The following RASGRP2 variants were observed in gnomAD, a reference collection of about 807,000 sequenced individuals.
RASGRP2 encodes RAS guanyl releasing protein 2.
Under a neutral mutation model 71.0 loss-of-function variants are expected in RASGRP2, and 44 were observed. The observed-to-expected ratio is 0.62, with a 90% CI of 0.49 to 0.80. The LOEUF (loss-of-function observed/expected upper bound fraction) is 0.80. Ranked by LOEUF, RASGRP2 falls within the 30% of genes least tolerant of loss-of-function variation. The probability of loss-of-function intolerance (pLI) is 0.00; values close to 1 mark genes in which losing one functional copy is unlikely to be tolerated. For missense variants in RASGRP2, 663 were observed against 813.4 expected (o/e 0.82, Z 2.25); for synonymous variants, 350 against 330.7 (o/e 1.06, Z -0.63).
rs910045635 is a variant in RASGRP2, at chr11:64,735,375, C to G, written c.1297-148G>C. On this transcript the variant is annotated intron_variant, in intron 11 of 16. Transcript: ENST00000394432. The surrounding 1 kb of genome is among the most constrained non-coding windows in gnomAD (Gnocchi z 4.2). ...CACCCCCGTTCCATACCTCCACCCCCACCCTACCCAGGGGCACTTCAGCCC... is the reference window on the plus strand; with the variant it reads ...CACCCCCGTTCCATACCTCCACCCCGACCCTACCCAGGGGCACTTCAGCCC... The G allele has an allele frequency of 7.3e-7, 1 of 1,363,554 alleles. No individual in the cohort carries two copies. Among genetic ancestry groups the G allele is most frequent in the Admixed American group, 1.7e-5 (1 of 58,694 alleles). 84.5% of individuals were successfully genotyped at this position (1,363,554 alleles called of 1,614,324 possible).
chr11:64,739,923 G>A lies in RASGRP2; in HGVS notation c.522+90C>T. 6.2e-7 allele frequency: 1 copy of A among 1,609,216 alleles called. No individual in the cohort carries two copies. On this transcript the variant is annotated intron_variant, in intron 6 of 16. Transcript: ENST00000394432. The surrounding 1 kb of genome is among the most constrained non-coding windows in gnomAD (Gnocchi z 4.2). ...TACACTGAAACCCCTGATGCACCCT[G>A]TGACCCAGCCTACGCCAGGGACCCT...
chr11:64,735,724 G>C lies in RASGRP2; in HGVS notation c.1174-60C>G, dbSNP rs755677802. 7.0e-6 allele frequency: 11 copies of C among 1,566,624 alleles called. No individual in the cohort carries two copies. The highest frequency in any genetic ancestry group is 9.5e-6 in the Non-Finnish European group (11 of 1,155,356). On this transcript the variant is annotated intron_variant, in intron 10 of 16. Coordinates refer to ENST00000394432, the MANE Select transcript of RASGRP2 (RefSeq NM_001098671.2). The surrounding 1 kb of genome is among the most constrained non-coding windows in gnomAD (Gnocchi z 4.2). ...GGCAGGGGAAGCCCAGAGCCCCGGG[G>C]AACAGAGAGGGGAATCCCTGGGAGA... is the stretch of plus-strand genomic sequence containing the variant.
rs2058171560 is a variant in RASGRP2, at chr11:64,742,716, A to C, written c.73+78T>G. 6 of 1,540,892 alleles carry C rather than the reference A, an allele frequency of 3.9e-6. No individual in the cohort carries two copies. The highest frequency in any genetic ancestry group is 5.3e-6 in the Non-Finnish European group (6 of 1,138,304). On this transcript the variant is annotated intron_variant, in intron 2 of 16. Transcript: ENST00000394432. The surrounding 1 kb of genome is among the most constrained non-coding windows in gnomAD (Gnocchi z 4.7). ...GGTCCGGGTCAGGGCTGTGCCCTGG[A>C]CTGTGCCTGGGAGGCAGGGACCCGG...
intron 3 of RASGRP2, among the ~76,000 whole-genome samples, chr11:64,741,778 GAGA>G (rs1319710155): frequency 1.3e-5 from 2 of 152,196 alleles, no homozygotes; most frequent in African/African-American, 2.4e-5. Context: ...AGACTCTAGG[GAGA>G]AGGAGGGCAA....
In RASGRP2 at chr11:64,744,090, C is replaced by T. The variant is rs2058231697; in HGVS notation, c.-159G>A. 7 of 988,244 alleles carry T rather than the reference C, an allele frequency of 7.1e-6. No homozygotes were observed. Among genetic ancestry groups the T allele is most frequent in the Non-Finnish European group, 8.4e-6 (7 of 830,988 alleles). 61.2% of individuals were successfully genotyped at this position (988,244 alleles called of 1,614,324 possible). On this transcript the variant is annotated 5_prime_UTR_variant, in exon 1 of 17. Transcript: ENST00000394432. ...CTTGAGCCAGGCCAGCCTTGAGTCC[C>T]GCGGCCACACAGGCGCTGACATCCT...
chr11:64,742,972 G>A lies in RASGRP2; in HGVS notation c.-71-35C>T, dbSNP rs1002642103. ...GAGAGGCAGAGCGGGAGTCTGCGGA[G>A]TCGCGGGCGGGGGAGCGGCCCCGCG... On this transcript the variant is annotated intron_variant, in intron 1 of 16. Transcript: ENST00000394432. This position sits in a 1 kb window ranked among gnomAD's most constrained non-coding sequence, Gnocchi z 4.7. 10 of 1,512,278 alleles carry A rather than the reference G, an allele frequency of 6.6e-6. No homozygotes were observed. In the Admixed American group the frequency reaches 2.1e-4, roughly 31 times the overall value. 93.7% of individuals were successfully genotyped at this position (1,512,278 alleles called of 1,614,324 possible).
In RASGRP2 at chr11:64,739,895, G is replaced by C; in HGVS notation, c.523-86C>G. On this transcript the variant is annotated intron_variant, in intron 6 of 16. Coordinates refer to ENST00000394432, the MANE Select transcript of RASGRP2 (RefSeq NM_001098671.2). This position sits in a 1 kb window ranked among gnomAD's most constrained non-coding sequence, Gnocchi z 4.2. ...CCTCACCCTCCAGCTGACCTTCAGT[G>C]GTTACACTGAAACCCCTGATGCACC... The C allele has an allele frequency of 6.2e-7, 1 of 1,607,764 alleles. No individual in the cohort carries two copies. Among genetic ancestry groups the C allele is most frequent in the Admixed American group, 1.7e-5 (1 of 59,760 alleles).
Position 64,742,562 on chromosome 11 carries a change from C to T in RASGRP2, c.73+232G>A. On this transcript the variant is annotated intron_variant, in intron 2 of 16. Transcript: ENST00000394432. This position sits in a 1 kb window ranked among gnomAD's most constrained non-coding sequence, Gnocchi z 4.7. ...TCAAGTGTCAGAGTCCGGGACCCGG[C>T]CCTCCCTTCGCCGCCGCTGGGGAAG... 3.2e-6 allele frequency: 2 copies of T among 620,276 alleles called. No individual in the cohort carries two copies. Among genetic ancestry groups the T allele is most frequent in the Non-Finnish European group, 5.7e-6 (2 of 353,344 alleles). 38.4% of individuals were successfully genotyped at this position (620,276 alleles called of 1,614,324 possible). A position where few individuals can be genotyped will look rare whatever the true frequency, so the allele number is the denominator to read the frequency against.
At chr11:64,737,343 G>A in intron 8 of RASGRP2, 1 of 423,658 alleles carries the variant, frequency 2.4e-6, no homozygotes, top group South Asian at 2.3e-5. Context: ...TGACCTGGAA[G>A]AACATACTCA....
rs765897708 is a variant in RASGRP2 at position 64,742,140 on chromosome 11, G to A, written c.74-28C>T. The A allele has an allele frequency of 5.2e-6, 8 of 1,535,474 alleles. No individual in the cohort carries two copies. Among genetic ancestry groups the A allele is most frequent in the Middle Eastern group, 1.7e-4 (1 of 5,728 alleles). Reference sequence around the variant, plus strand: ...GACTCCGAAGGGTCAAAGACAGGTGGCTGAGCTGGGTCCGCAGCTACCATG... The same window carrying A: ...GACTCCGAAGGGTCAAAGACAGGTGACTGAGCTGGGTCCGCAGCTACCATG... On this transcript the variant is annotated intron_variant, in intron 2 of 16. Coordinates refer to ENST00000394432, the MANE Select transcript of RASGRP2 (RefSeq NM_001098671.2). The surrounding 1 kb of genome is among the most constrained non-coding windows in gnomAD (Gnocchi z 4.7).
chr11:64,743,262 G>T lies in RASGRP2; in HGVS notation c.-71-325C>A, dbSNP rs1183607912. Reference sequence around the variant, plus strand: ...TTCTCCTCGCGCCCTCTCCCCAGAGGCACCTGCAGCACCCCGCAGCTCGGC... The same window carrying T: ...TTCTCCTCGCGCCCTCTCCCCAGAGTCACCTGCAGCACCCCGCAGCTCGGC... On this transcript the variant is annotated intron_variant, in intron 1 of 16. Transcript: ENST00000394432. This position sits in a 1 kb window ranked among gnomAD's most constrained non-coding sequence, Gnocchi z 4.9. 1 of 481,132 alleles carries T rather than the reference G, an allele frequency of 2.1e-6. No individual in the cohort carries two copies. Among genetic ancestry groups the T allele is most frequent in the Non-Finnish European group, 4.1e-6 (1 of 243,606 alleles). The allele number at this position is 481,132 out of a possible 1,614,324, so 29.8% of individuals were successfully genotyped here.
chr11:64,727,479 C>A, intron 15 of RASGRP2, 119 bp from the exon 16 acceptor site: 10 of 762,714 alleles, frequency 1.3e-5, no homozygotes, highest in Non-Finnish European at 2.0e-5. Context: ...CACCAAAAAT[C>A]AATTCCCTGC....
chr11:64,729,492 A>ACGCC (rs2057689020), intron 14 of RASGRP2, among the ~76,000 whole-genome samples: 1 of 151,702 alleles, frequency 6.6e-6, no homozygotes, highest in Non-Finnish European at 1.5e-5. Context: ...GGGTGCCACC[A>ACGCC]CGCCCAGCTA....
rs681791 is a variant in RASGRP2 at position 64,740,005 on chromosome 11, G to A, written c.522+8C>T. 58,295 of 1,613,906 alleles carry A rather than the reference G, an allele frequency of 0.036. 1,269 individuals carry two copies. Among genetic ancestry groups the A allele is most frequent in the Non-Finnish European group, 0.042 (49,979 of 1,179,958 alleles). On this transcript the variant is annotated splice_region_variant and intron_variant, in intron 6 of 16. Coordinates refer to ENST00000394432, the MANE Select transcript of RASGRP2 (RefSeq NM_001098671.2). ...TGGACCCCTGACCCCCCAGCCCTCG[G>A]GCCGCACCAGGATCTTGCAGAAGGA... is the stretch of plus-strand genomic sequence containing the variant.
chr11:64,727,670 G>A (rs934746181), intron 15 of RASGRP2, among the ~76,000 whole-genome samples: 1 of 151,822 alleles, frequency 6.6e-6, no homozygotes, highest in Non-Finnish European at 1.5e-5. Context: ...CTGCCACCAC[G>A]CCCAGCTAAT....
At chr11:64,740,680 G>A (rs762353067) in intron 5 of RASGRP2, 14 of 651,608 alleles carry the variant, frequency 2.1e-5, no homozygotes, top group Non-Finnish European at 3.4e-5. Flanking sequence ...GCACCATGAT[G>A]AGAAAGGACT....
chr11:64,729,072 G>A (rs748123759), intron 14 of RASGRP2, 30 bp from the exon 15 acceptor site: 1 of 1,568,230 alleles, frequency 6.4e-7, no homozygotes, highest in Non-Finnish European at 8.6e-7. Flanking sequence ...GAGCCAGCCA[G>A]GGACATTGGT....
At position 64,739,682 on chromosome 11, in the gene RASGRP2, G is replaced by A. The variant is rs1565515407; in HGVS notation, c.650C>T (p.Ala217Val). The A allele has an allele frequency of 1.5e-5, 24 of 1,614,018 alleles. No individual in the cohort carries two copies. Among genetic ancestry groups the A allele is most frequent in the Non-Finnish European group, 1.9e-5 (23 of 1,179,952 alleles). The stretch of plus-strand genomic sequence containing the variant: ...TGTGATGACCAGGGCCCGCTGCGGG[G>A]CTGTGGGTTTGCTGAGGATCATGAG... ...VQLMILSKPTAPQRALVITHF... is the reference protein window; with the variant it reads ...VQLMILSKPTVPQRALVITHF... Residue 217 changes from alanine (A) to valine (V), a missense_variant, in exon 7 of 17, where the codon GCC (alanine) becomes GTC (valine). Physicochemically the swap from Ala to Val is moderately conservative, Grantham distance 64. Coordinates refer to ENST00000394432, the MANE Select transcript of RASGRP2 (RefSeq NM_001098671.2). The surrounding 1 kb of genome is among the most constrained non-coding windows in gnomAD (Gnocchi z 4.2).
At chr11:64,736,643 C>T (rs971706652) in intron 9 of RASGRP2, 110 bp downstream of exon 9, 1 of 1,244,858 alleles carries the variant, frequency 8.0e-7, no homozygotes, top group African/African-American at 1.5e-5. Flanking sequence ...CGCTAGATCT[C>T]AGTTTCTTGG....
Sources: allele counts gnomAD v4.1 joint callset (sites outside exome capture counted in the v4.1 genomes callset), GRCh38; gene constraint gnomAD v4.1.1; non-coding constraint Gnocchi (gnomAD v3.1); transcripts MANE v1.5; gene names NCBI Gene and HGNC (gene_info 2026-07-23, HGNC 2026-07-21).